The following ANO10 variants were observed in gnomAD, a reference collection of about 807,000 sequenced individuals.
ANO10 encodes the protein anoctamin 10.
In ANO10, 77 loss-of-function variants were observed where a neutral mutation model predicts 74.7. That is an observed-to-expected ratio of 1.03 (90% confidence interval 0.86 to 1.25). The LOEUF (loss-of-function observed/expected upper bound fraction) is 1.25. Among genes scored for constraint, ANO10 ranks in the 50% most tolerant of loss-of-function variants. The pLI, the probability that ANO10 is intolerant of heterozygous loss-of-function variation, is 0.00. For synonymous variants in ANO10, 279 were observed against 284.9 expected (o/e 0.98, Z 0.21); for missense variants, 721 against 778.1 (o/e 0.93, Z 0.87).
intron 12 of ANO10, among the ~76,000 whole-genome samples, chr3:43,373,432 G>A (rs529749277): frequency 1.3e-5 from 2 of 151,950 alleles, no homozygotes; most frequent in East Asian, 3.9e-4. Context: ...ACATGTGAGG[G>A]AGTCTATGAC....
chr3:43,618,287 T>C (rs13319228), intron 1 of ANO10, among the ~76,000 whole-genome samples: 4,535 of 152,220 alleles, frequency 0.03, 100 homozygotes, highest in South Asian at 0.12. Context: ...AAGACAGTCC[T>C]GCCACAACAG....
chr3:43,435,553 C>T (rs1193188475), intron 11 of ANO10, among the ~76,000 whole-genome samples: 1 of 151,080 alleles, frequency 6.6e-6, no homozygotes, highest in Non-Finnish European at 1.5e-5. Flanking sequence ...ACTTTGTATT[C>T]ATTCATTCTG....
At chr3:43,460,783 G>GT (rs35313500) in intron 11 of ANO10, among the ~76,000 whole-genome samples, 57 of 152,006 alleles carry the variant, frequency 3.7e-4, no homozygotes, top group South Asian at 3.1e-3. Context: ...AGGAGAGAGG[G>GT]TTTTTTTTAA....
chr3:43,640,524 C>T lies in ANO10; in HGVS notation c.-11-34661G>A, dbSNP rs143359801. 1.5e-3 allele frequency among the ~76,000 whole-genome samples: 234 copies of T among 152,272 alleles called. 3 individuals carry two copies. The highest frequency in any genetic ancestry group is 3.1e-3 in the East Asian group (16 of 5,188). ...TGCACAGGAATCATGCAAACTGGAA[C>T]CCATCCCATGCACTAAAAAGATTCT... On this transcript the variant is annotated intron_variant, in intron 1 of 3. Coordinates refer to the ANO10 transcript ENST00000413397.
chr3:43,405,877 T>G (rs1002161619), intron 12 of ANO10, among the ~76,000 whole-genome samples: 1 of 152,216 alleles, frequency 6.6e-6, no homozygotes, highest in African/African-American at 2.4e-5. Context: ...TGTCTGCTCC[T>G]TTGCCAAAAG....
intron 11 of ANO10, among the ~76,000 whole-genome samples, chr3:43,461,172 G>C (rs1176719583): frequency 6.6e-6 from 1 of 151,714 alleles, no homozygotes; most frequent in East Asian, 1.9e-4. Flanking sequence ...CCAATATCAG[G>C]AATAAAAAAG....
intron 3 of ANO10, among the ~76,000 whole-genome samples, chr3:43,600,151 T>C (rs565840467): frequency 1.4e-4 from 22 of 152,362 alleles, no homozygotes; most frequent in Admixed American, 1.4e-3. Flanking sequence ...GTTTTATAAA[T>C]ACAGTTTTAT....
At chr3:43,421,248 C>T (rs145644717) in intron 12 of ANO10, among the ~76,000 whole-genome samples, 15 of 152,038 alleles carry the variant, frequency 9.9e-5, no homozygotes, top group Non-Finnish European at 1.8e-4. Context: ...GGGCTGGGAG[C>T]GGTGGCTCAC....
intron 12 of ANO10, among the ~76,000 whole-genome samples, chr3:43,402,300 G>A (rs1575675937): frequency 1.3e-5 from 2 of 152,078 alleles, no homozygotes; most frequent in South Asian, 2.1e-4. Flanking sequence ...AACAGAGCTC[G>A]CTCCACATCA....
chr3:43,521,334 T>C (rs2149216040), intron 11 of ANO10, among the ~76,000 whole-genome samples: 1 of 152,264 alleles, frequency 6.6e-6, no homozygotes. Flanking sequence ...AGGCATAAAT[T>C]TTAAAATGCT....
chr3:43,682,900 T>C (rs1189423307), intron 1 of ANO10, among the ~76,000 whole-genome samples: 1 of 152,222 alleles, frequency 6.6e-6, no homozygotes, highest in Admixed American at 6.5e-5. Context: ...CTAAAAACTC[T>C]CAATAAATTA....
intron 12 of ANO10, among the ~76,000 whole-genome samples, chr3:43,390,366 T>C (rs1482362798): frequency 2.0e-5 from 3 of 152,236 alleles, no homozygotes; most frequent in Non-Finnish European, 4.4e-5. Context: ...AAATCACAGA[T>C]GCCTCTCTTG....
intron 11 of ANO10, among the ~76,000 whole-genome samples, chr3:43,470,449 G>T (rs2075804549): frequency 6.6e-6 from 1 of 152,158 alleles, no homozygotes; most frequent in Non-Finnish European, 1.5e-5. Context: ...CGCCTCCGGG[G>T]TTCATGCTAT....
At chr3:43,379,207 C>T (rs1422161609) in intron 12 of ANO10, among the ~76,000 whole-genome samples, 1 of 152,228 alleles carries the variant, frequency 6.6e-6, no homozygotes, top group Admixed American at 6.5e-5. Flanking sequence ...GGGATACATA[C>T]AGCACTGAAC....
intron 1 of ANO10, chr3:43,689,238 G>C (rs1257908151): frequency 6.6e-6 from 1 of 152,214 alleles, no homozygotes; most frequent in East Asian, 1.9e-4. Flanking sequence ...AATTGTATCA[G>C]AGCACATACT....
rs139320810 is a variant in ANO10, at chr3:43,499,277, A to G, written c.1797+50443T>C. 3.0e-3 allele frequency among the ~76,000 whole-genome samples: 454 copies of G among 152,314 alleles called. 1 individual carries two copies. Among genetic ancestry groups the G allele is most frequent in the African/African-American group, 0.011 (438 of 41,566 alleles). On this transcript the variant is annotated intron_variant, in intron 11 of 12. Coordinates refer to ENST00000292246, the MANE Select transcript of ANO10 (RefSeq NM_018075.5). ...AGTTTACAATCTTTTACAGTTGAGG[A>G]ACCCAGTCATGAAACAAATATAAAA...
At chr3:43,574,192 T>C (rs1016870874) in intron 7 of ANO10, among the ~76,000 whole-genome samples, 2 of 151,096 alleles carry the variant, frequency 1.3e-5, no homozygotes, top group Admixed American at 6.6e-5. Context: ...CGGCCTCAAG[T>C]GATCCACCTG....
intron 11 of ANO10, among the ~76,000 whole-genome samples, chr3:43,434,934 A>T (rs1197430371): frequency 1.3e-5 from 2 of 152,204 alleles, no homozygotes; most frequent in African/African-American, 4.8e-5. Flanking sequence ...TCTACAGTTT[A>T]TTTTCCAAAA....
At position 43,639,622 on chromosome 3, in the gene ANO10, C is replaced by T. The variant is rs1043530017; in HGVS notation, c.-11-33759G>A. On this transcript the variant is annotated intron_variant, in intron 1 of 3. Transcript: ENST00000413397. ...TACTAAAATACAAAAATTAGCTGGG[C>T]GTGGTGGTGCATGCCTGTAATCCCA... Among the ~76,000 whole-genome samples, 12 of 151,838 alleles carry T rather than the reference C, an allele frequency of 7.9e-5. 1 individual carries two copies. The highest frequency in any genetic ancestry group is 2.9e-4 in the African/African-American group (12 of 41,334).
Sources: allele counts gnomAD v4.1 joint callset (sites outside exome capture counted in the v4.1 genomes callset), GRCh38; gene constraint gnomAD v4.1.1; transcripts MANE v1.5; gene names NCBI Gene and HGNC (gene_info 2026-07-23, HGNC 2026-07-21).